ITGAE: variants seen among roughly 807,000 people sequenced by gnomAD.
ITGAE encodes integrin alpha-E.
In ITGAE, 99 loss-of-function variants were observed where a neutral mutation model predicts 136.5. The observed-to-expected ratio is 0.73, with a 90% CI of 0.62 to 0.86. ITGAE has a LOEUF of 0.86. Ranked by LOEUF, ITGAE falls within the 40% of genes least tolerant of loss-of-function variation. The pLI is 0.00. For synonymous variants in ITGAE, 613 were observed against 591.8 expected (o/e 1.04, Z -0.52); for missense variants, 1,447 against 1,515.3 (o/e 0.95, Z 0.75).
intron 28 of ITGAE, 124 bp downstream of exon 28, chr17:3,723,164 T>C: frequency 1.4e-6 from 1 of 713,622 alleles, no homozygotes; most frequent in Admixed American, 2.1e-5. Context: ...AGAGGGTTGG[T>C]TTTTTGCACC....
chr17:3,750,233 G>T, intron 16 of ITGAE, 119 bp downstream of exon 16: 1 of 1,404,946 alleles, frequency 7.1e-7, no homozygotes, highest in Non-Finnish European at 9.6e-7. Context: ...CAGAGCCTGT[G>T]CCCACAACCA....
intron 29 of ITGAE, among the ~76,000 whole-genome samples, chr17:3,718,933 T>C (rs1050019972): frequency 9.2e-5 from 14 of 152,186 alleles, no homozygotes; most frequent in Admixed American, 6.5e-5. Context: ...ATTTTCTGTA[T>C]TAGAAATACA....
chr17:3,797,418 G>A (rs2053146029), intron 1 of ITGAE, among the ~76,000 whole-genome samples: 1 of 149,246 alleles, frequency 6.7e-6, no homozygotes, highest in Non-Finnish European at 1.5e-5. Flanking sequence ...GCCCACCTTG[G>A]CCTCCTAAAG....
At chr17:3,731,493 C>G (rs2051342899) in intron 22 of ITGAE, among the ~76,000 whole-genome samples, 1 of 151,738 alleles carries the variant, frequency 6.6e-6, no homozygotes, top group African/African-American at 2.4e-5. Flanking sequence ...AGGCACGCAC[C>G]ACCACGCCCA....
chr17:3,734,864 T>C lies in ITGAE; in HGVS notation c.2608A>G (p.Met870Val), dbSNP rs1376310978. The C allele has an allele frequency of 1.9e-6, 3 of 1,614,238 alleles. No homozygotes were observed. The highest frequency in any genetic ancestry group is 1.7e-5 in the Admixed American group (1 of 60,024). Residue 870 changes from methionine (M) to valine (V), a missense_variant, in exon 21 of 31, where the codon ATG becomes GTG. Met to Val is a conservative substitution (Grantham distance 21, BLOSUM62 1). Coordinates refer to ENST00000263087, the MANE Select transcript of ITGAE (RefSeq NM_002208.5). ...NSGEDSYMTS[M>V]ALNYPRNLQL... The stretch of plus-strand genomic sequence containing the variant: ...AGGTTTCTGGGGTAATTCAAGGCCA[T>C]GCTTGTCATGTAGGAATCTTCCCCG...
At chr17:3,719,229 C>A (rs60535255) in intron 29 of ITGAE, among the ~76,000 whole-genome samples, 1 of 84,780 alleles carries the variant, frequency 1.2e-5, no homozygotes. Context: ...CAGTGAGATT[C>A]TTCCTCAAAA....
intron 24 of ITGAE, 186 bp downstream of exon 24, chr17:3,729,292 G>A: frequency 5.2e-6 from 3 of 582,264 alleles, no homozygotes; most frequent in Non-Finnish European, 9.4e-6. Flanking sequence ...GACCACAGTG[G>A]GGTTTCTGTG....
chr17:3,728,238 CTG>C (rs1189666670), intron 24 of ITGAE, 70 bp from the exon 25 acceptor site: 1 of 1,209,976 alleles, frequency 8.3e-7, no homozygotes, highest in East Asian at 2.3e-5. Flanking sequence ...GGGTCTCACT[CTG>C]TTGCCCAGGC....
At chr17:3,731,964 T>C (rs1016903519) in intron 22 of ITGAE, among the ~76,000 whole-genome samples, 1 of 151,996 alleles carries the variant, frequency 6.6e-6, no homozygotes, top group Non-Finnish European at 1.5e-5. Flanking sequence ...TAATCCCAGC[T>C]ACTCAGGAGG....
chr17:3,749,661 G>A (rs1242044644), intron 16 of ITGAE, among the ~76,000 whole-genome samples: 2 of 152,152 alleles, frequency 1.3e-5, no homozygotes, highest in South Asian at 2.1e-4. Flanking sequence ...ACAGACGGGC[G>A]CTCCATGAGC....
chr17:3,747,057 A>G (rs2051734684), intron 17 of ITGAE, among the ~76,000 whole-genome samples: 1 of 152,076 alleles, frequency 6.6e-6, no homozygotes. Flanking sequence ...TCCAGGGGGG[A>G]GCTCTTGGAT....
In ITGAE at chr17:3,729,231, ATAT is replaced by A. The variant is rs1185679639; in HGVS notation, c.2912+244_2912+246del. ...GCTGCCTTCTTCCCTCCACAGCGTC[ATAT>A]TAATTCCCTTTTGTAGCACGACTAG... On this transcript the variant is annotated intron_variant, in intron 24 of 30. Transcript: ENST00000263087. 12 of 466,250 alleles carry A rather than the reference ATAT, an allele frequency of 2.6e-5. No individual in the cohort carries two copies. The Middle Eastern group carries it at 1.8e-3, about 70-fold the overall frequency. The allele number at this position is 466,250 out of a possible 1,614,324, so 28.9% of individuals were successfully genotyped here.
intron 16 of ITGAE, among the ~76,000 whole-genome samples, chr17:3,749,037 T>C (rs1346783147): frequency 6.6e-6 from 1 of 152,110 alleles, no homozygotes; most frequent in Non-Finnish European, 1.5e-5. Context: ...GTGGCAGCAG[T>C]GTCCAGGGAG....
chr17:3,730,454 A>AAAAAAAAAATAAAATAAAT (rs147927266), intron 23 of ITGAE: 1 of 147,498 alleles, frequency 6.8e-6, no homozygotes, highest in Non-Finnish European at 1.5e-5. Flanking sequence ...TCTGTCTCAA[A>AAAAAAAAAATAAAATAAAT]AAATAAATAA....
intron 2 of ITGAE, 25 bp from the exon 3 acceptor site, chr17:3,763,985 G>A: frequency 6.6e-7 from 1 of 1,523,006 alleles, no homozygotes; most frequent in Non-Finnish European, 9.1e-7. Context: ...AGGTTGCAAA[G>A]CTGAGCTGGC....
At chr17:3,719,598 A>G (rs951586171) in intron 29 of ITGAE, among the ~76,000 whole-genome samples, 1 of 152,272 alleles carries the variant, frequency 6.6e-6, no homozygotes, top group African/African-American at 2.4e-5. Context: ...TCCAGTATCT[A>G]GTCTAAATCT....
At chr17:3,735,280 G>A (rs1426838159) in intron 20 of ITGAE, among the ~76,000 whole-genome samples, 4 of 152,168 alleles carry the variant, frequency 2.6e-5, no homozygotes, top group East Asian at 3.8e-4. Flanking sequence ...CAATTCTCCC[G>A]TCTCAGCCTC....
At chr17:3,755,752 G>T in intron 11 of ITGAE, 78 bp downstream of exon 11, 1 of 1,229,228 alleles carries the variant, frequency 8.1e-7, no homozygotes, top group Non-Finnish European at 1.2e-6. Context: ...TGGATGGGAG[G>T]CAGGAGTCCC....
intron 17 of ITGAE, among the ~76,000 whole-genome samples, chr17:3,747,492 G>T (rs2051744798): frequency 6.6e-6 from 1 of 152,104 alleles, no homozygotes; most frequent in Non-Finnish European, 1.5e-5. Flanking sequence ...TGTATTTTTA[G>T]TAGAGACGGT....
Sources: allele counts gnomAD v4.1 joint callset (sites outside exome capture counted in the v4.1 genomes callset), GRCh38; gene constraint gnomAD v4.1.1; transcripts MANE v1.5; gene names NCBI Gene and HGNC (gene_info 2026-07-23, HGNC 2026-07-21).